The following KCNIP3 variants were observed in gnomAD, a reference collection of about 807,000 sequenced individuals.
KCNIP3 encodes potassium voltage-gated channel interacting protein 3.
KCNIP3 carries 28 observed loss-of-function variants against 35.0 expected under a neutral mutation model. The ratio of observed to expected loss-of-function variants is 0.80; its 90% CI spans 0.59 to 1.10. The LOEUF (loss-of-function observed/expected upper bound fraction) is 1.10, where lower values mean the gene tolerates loss of function less well. Among genes scored for constraint, KCNIP3 ranks in the 50% least tolerant of loss-of-function variants. The probability of loss-of-function intolerance (pLI) is 0.00; values close to 1 mark genes in which losing one functional copy is unlikely to be tolerated. For missense variants in KCNIP3, 295 were observed against 338.4 expected (o/e 0.87, Z 1.01); for synonymous variants, 134 against 133.8 (o/e 1.00, Z -0.01).
intron 2 of KCNIP3, among the ~76,000 whole-genome samples, chr2:95,359,836 G>A (rs1679746128): frequency 6.6e-6 from 1 of 152,242 alleles, no homozygotes; most frequent in Admixed American, 6.5e-5. Flanking sequence ...TTGAGCCACA[G>A]CTGGGGCAGC....
At chr2:95,298,326 G>A (rs1471529096) in intron 1 of KCNIP3, among the ~76,000 whole-genome samples, 2 of 152,200 alleles carry the variant, frequency 1.3e-5, no homozygotes, top group African/African-American at 4.8e-5. Context: ...GGGCAGTGGA[G>A]GGCTGGCTTG....
At chr2:95,343,897 G>A (rs767813445) in intron 2 of KCNIP3, among the ~76,000 whole-genome samples, 2 of 149,010 alleles carry the variant, frequency 1.3e-5, no homozygotes, top group Non-Finnish European at 3.0e-5. Context: ...CCCCCACCCC[G>A]ACCCCAAAGC....
Position 95,384,134 on chromosome 2 carries a change from T to C in KCNIP3, c.*85T>C. On this transcript the variant is annotated 3_prime_UTR_variant, in exon 9 of 9. Transcript: ENST00000295225. ...GCCAGGAGCAGCCTCCAAGAAACTT[T>C]TAAAAAATAGATTTGCAAAAAGTGA... 1.6e-6 allele frequency: 2 copies of C among 1,236,164 alleles called. No individual in the cohort carries two copies. Among genetic ancestry groups the C allele is most frequent in the Non-Finnish European group, 1.2e-6 (1 of 839,558 alleles). 76.6% of individuals were successfully genotyped at this position (1,236,164 alleles called of 1,614,324 possible). A position where few individuals can be genotyped will look rare whatever the true frequency, so the allele number is the denominator to read the frequency against.
intron 2 of KCNIP3, chr2:95,368,387 G>GGAGGGGGT (rs1248288076): frequency 1.9e-5 from 3 of 155,602 alleles, no homozygotes; most frequent in African/African-American, 7.2e-5. Context: ...GGAAAGGGTG[G>GGAGGGGGT]GAGGGGGTGA....
At chr2:95,313,216 G>A (rs1266004875) in intron 2 of KCNIP3, 1 of 152,366 alleles carries the variant, frequency 6.6e-6, no homozygotes, top group African/African-American at 2.4e-5. Flanking sequence ...GGAACAGCTG[G>A]GAGTGAAAGC....
At chr2:95,333,218 G>C (rs568612551) in intron 2 of KCNIP3, among the ~76,000 whole-genome samples, 54 of 152,364 alleles carry the variant, frequency 3.5e-4, no homozygotes, top group African/African-American at 1.2e-3. Context: ...CCTTATAACT[G>C]TTTGACTATC....
chr2:95,351,372 C>T (rs899816458), intron 2 of KCNIP3, among the ~76,000 whole-genome samples: 14 of 152,190 alleles, frequency 9.2e-5, no homozygotes, highest in Non-Finnish European at 2.1e-4. Flanking sequence ...GCATTTGCAG[C>T]CATTTAGGAG....
intron 2 of KCNIP3, among the ~76,000 whole-genome samples, chr2:95,330,419 T>A (rs1368004854): frequency 6.6e-6 from 1 of 152,210 alleles, no homozygotes; most frequent in Non-Finnish European, 1.5e-5. Flanking sequence ...GACTGCGTTG[T>A]GTCCCAGCCC....
chr2:95,325,634 C>T (rs1170519999), intron 2 of KCNIP3, among the ~76,000 whole-genome samples: 1 of 151,934 alleles, frequency 6.6e-6, no homozygotes, highest in Admixed American at 6.6e-5. Flanking sequence ...CACTCACACA[C>T]ACACACGCAT....
chr2:95,365,944 G>A (rs945451178), intron 2 of KCNIP3, among the ~76,000 whole-genome samples: 1 of 152,114 alleles, frequency 6.6e-6, no homozygotes, highest in African/African-American at 2.4e-5. Context: ...CAATCAAGAT[G>A]TGGAACAATT....
intron 1 of KCNIP3, among the ~76,000 whole-genome samples, chr2:95,307,620 A>C (rs1156761063): frequency 6.6e-6 from 1 of 152,128 alleles, no homozygotes; most frequent in Non-Finnish European, 1.5e-5. Flanking sequence ...GAGCCCTGTG[A>C]GCTAGAACCC....
intron 2 of KCNIP3, among the ~76,000 whole-genome samples, chr2:95,358,875 GTAGTCC>G (rs145185168): frequency 0.15 from 22,518 of 152,132 alleles, 1,964 homozygotes; most frequent in East Asian, 0.29. Context: ...CTGTGCACCT[GTAGTCC>G]TAGCTACGTG....
At chr2:95,325,600 C>A (rs1180582306) in intron 2 of KCNIP3, among the ~76,000 whole-genome samples, 2 of 151,888 alleles carry the variant, frequency 1.3e-5, no homozygotes, top group South Asian at 4.2e-4. Flanking sequence ...CGCACTCACA[C>A]ACTCATACAC....
At chr2:95,363,217 T>G (rs1679842979) in intron 2 of KCNIP3, among the ~76,000 whole-genome samples, 1 of 152,230 alleles carries the variant, frequency 6.6e-6, no homozygotes, top group Non-Finnish European at 1.5e-5. Flanking sequence ...CAGGAGGCTC[T>G]TTTACATTTT....
At chr2:95,325,543 C>T (rs1040760227) in intron 2 of KCNIP3, among the ~76,000 whole-genome samples, 39 of 152,038 alleles carry the variant, frequency 2.6e-4, no homozygotes, top group Non-Finnish European at 1.6e-4. Flanking sequence ...TGGAGCGAGG[C>T]AAGATGCCCA....
At chr2:95,344,823 C>A (rs1446957606) in intron 2 of KCNIP3, among the ~76,000 whole-genome samples, 1 of 152,196 alleles carries the variant, frequency 6.6e-6, no homozygotes, top group Admixed American at 6.5e-5. Context: ...GATTATTGTT[C>A]CCATTTTATG....
intron 7 of KCNIP3, 89 bp from the exon 8 acceptor site, chr2:95,383,138 CATCCA>C: frequency 1.3e-6 from 1 of 752,106 alleles, no homozygotes; most frequent in East Asian, 3.1e-5. Context: ...CCCACCCGCC[CATCCA>C]CCCACCCATG....
chr2:95,336,995 G>A (rs1679077198), intron 2 of KCNIP3, among the ~76,000 whole-genome samples: 1 of 152,164 alleles, frequency 6.6e-6, no homozygotes, highest in Non-Finnish European at 1.5e-5. Context: ...CTAATGCAGA[G>A]CCTAGCAATT....
intron 2 of KCNIP3, chr2:95,368,599 G>T: frequency 2.7e-6 from 1 of 376,054 alleles, no homozygotes; most frequent in Non-Finnish European, 5.3e-6. Context: ...TTGTGTCTTT[G>T]CCATCCCGTT....
Sources: allele counts gnomAD v4.1 joint callset (sites outside exome capture counted in the v4.1 genomes callset), GRCh38; gene constraint gnomAD v4.1.1; transcripts MANE v1.5; gene names NCBI Gene and HGNC (gene_info 2026-07-23, HGNC 2026-07-21).